The following PRDM16 variants were observed in gnomAD, a reference collection of about 807,000 sequenced individuals.
PRDM16 encodes PR/SET domain 16, also known as histone-lysine N-methyltransferase PRDM16.
A neutral mutation model predicts 110.6 loss-of-function variants in PRDM16; 23 were observed. That is an observed-to-expected ratio of 0.21 (90% CI 0.15 to 0.29). PRDM16 has a LOEUF of 0.29. Ranked by LOEUF, PRDM16 falls within the 10% of genes least tolerant of loss-of-function variation. The probability of loss-of-function intolerance (pLI) is 1.00; values close to 1 mark genes in which losing one functional copy is unlikely to be tolerated. For synonymous variants in PRDM16, 799 were observed against 781.8 expected (o/e 1.02, Z -0.37); for missense variants, 1,615 against 1,794.3 (o/e 0.90, Z 1.81).
intron 1 of PRDM16, among the ~76,000 whole-genome samples, chr1:3,171,960 C>T (rs535388834): frequency 1.9e-4 from 29 of 152,284 alleles, no homozygotes; most frequent in African/African-American, 2.6e-4. Flanking sequence ...GGGGGAGCTG[C>T]GATCCAGTAG....
chr1:3,204,698 G>A (rs1043875061), intron 2 of PRDM16, among the ~76,000 whole-genome samples: 3 of 152,250 alleles, frequency 2.0e-5, no homozygotes, highest in East Asian at 1.9e-4. Context: ...GTACGTAGAC[G>A]TGTGACCACG....
intron 3 of PRDM16, among the ~76,000 whole-genome samples, chr1:3,282,675 C>T (rs1237506300): frequency 2.0e-5 from 3 of 152,232 alleles, no homozygotes; most frequent in Non-Finnish European, 4.4e-5. Context: ...AGGCATCTCC[C>T]GAGACCCAGG....
chr1:3,348,866 A>G (rs1267744065), intron 3 of PRDM16, among the ~76,000 whole-genome samples: 1 of 152,232 alleles, frequency 6.6e-6, no homozygotes, highest in Admixed American at 6.5e-5. Context: ...CACCCAGGCC[A>G]GCAAAAATGA....
intron 1 of PRDM16, among the ~76,000 whole-genome samples, chr1:3,179,371 A>G (rs1432407937): frequency 2.0e-5 from 3 of 152,200 alleles, no homozygotes; most frequent in Non-Finnish European, 2.9e-5. Flanking sequence ...TCAGCCCCTC[A>G]CTGGGGGATG....
At chr1:3,415,504 C>T (rs1224636325) in intron 10 of PRDM16, among the ~76,000 whole-genome samples, 2 of 152,270 alleles carry the variant, frequency 1.3e-5, no homozygotes, top group African/African-American at 2.4e-5. Context: ...AACTTAGCGC[C>T]TCCCATTGTT....
intron 3 of PRDM16, among the ~76,000 whole-genome samples, chr1:3,381,114 CA>C (rs1010384868): frequency 5.9e-5 from 9 of 152,330 alleles, no homozygotes; most frequent in Non-Finnish European, 1.0e-4. Flanking sequence ...TTCTGCTCAC[CA>C]AAGGCTTCTC....
At chr1:3,074,426 TGTGC>T (rs1482770865) in intron 1 of PRDM16, among the ~76,000 whole-genome samples, 3 of 151,932 alleles carry the variant, frequency 2.0e-5, no homozygotes, top group Non-Finnish European at 2.9e-5. Flanking sequence ...TGTGTGTGTG[TGTGC>T]GCGTGTGTGT....
intron 1 of PRDM16, among the ~76,000 whole-genome samples, chr1:3,152,700 A>G (rs1643798672): frequency 6.6e-6 from 1 of 152,162 alleles, no homozygotes; most frequent in Non-Finnish European, 1.5e-5. Context: ...TCCGTCGTCC[A>G]TCTGGTTTCT....
intron 1 of PRDM16, among the ~76,000 whole-genome samples, chr1:3,084,439 G>A (rs954797484): frequency 2.0e-5 from 3 of 152,214 alleles, no homozygotes; most frequent in Admixed American, 6.5e-5. Context: ...GCTCTGGCAC[G>A]AGGCCCTTTG....
Position 3,252,855 on chromosome 1 carries a change from T to C in PRDM16, c.438+8718T>C, listed in dbSNP as rs545523692. ...AGGTTCCAGGTTGGCCTTGAGACAG[T>C]GTGTGTTCAGCCTTGTACTGCGGGG... On this transcript the variant is annotated intron_variant, in intron 3 of 16. Transcript: ENST00000270722. 1.6e-4 allele frequency among the ~76,000 whole-genome samples: 25 copies of C among 152,126 alleles called. No homozygotes were observed. In the East Asian group the frequency reaches 3.7e-3, roughly 22 times the overall value.
At chr1:3,179,651 A>C (rs947114936) in intron 1 of PRDM16, among the ~76,000 whole-genome samples, 1 of 152,226 alleles carries the variant, frequency 6.6e-6, no homozygotes, top group Non-Finnish European at 1.5e-5. Context: ...GCAGGCCCGC[A>C]TGGCACCGTG....
chr1:3,273,830 G>A (rs1183095295), intron 3 of PRDM16, among the ~76,000 whole-genome samples: 1 of 149,472 alleles, frequency 6.7e-6, no homozygotes, highest in Admixed American at 6.6e-5. Context: ...GTGTGTGTGT[G>A]TGTGTGTGTG....
intron 1 of PRDM16, among the ~76,000 whole-genome samples, chr1:3,114,194 C>A (rs1642870228): frequency 2.3e-5 from 3 of 129,184 alleles, no homozygotes; most frequent in Admixed American, 7.9e-5. Flanking sequence ...CGCACACACG[C>A]ACACGCACGC....
In PRDM16 at chr1:3,213,086, G is replaced by A. The variant is rs116922935; in HGVS notation, c.387+26612G>A. On this transcript the variant is annotated intron_variant, in intron 2 of 16. Coordinates refer to ENST00000270722, the MANE Select transcript of PRDM16 (RefSeq NM_022114.4). This position sits in a 1 kb window ranked among gnomAD's most constrained non-coding sequence, Gnocchi z 5.3. Reference sequence around the variant, plus strand: ...CTGCCGCACGCTTCCCCGGGAGGCCGAGCTCAGGAAGACGCGGCAAATCCC... The same window carrying A: ...CTGCCGCACGCTTCCCCGGGAGGCCAAGCTCAGGAAGACGCGGCAAATCCC... 3.1e-3 allele frequency among the ~76,000 whole-genome samples: 469 copies of A among 152,284 alleles called. 21 individuals are homozygous for A. The East Asian group carries it at 0.075, about 24-fold the overall frequency.
chr1:3,402,875 G>A lies in PRDM16; in HGVS notation c.761G>A (p.Gly254Asp), dbSNP rs1414206081. Residue 254 changes from glycine (G) to aspartate (D), a missense_variant, in exon 6 of 17, where the codon GGC becomes GAC. Transcript: ENST00000270722. ...DLRRHKKYTC[G>D]SVGAALYEGL... ...CGGCGCCATAAGAAGTACACGTGTG[G>A]CTCAGTGGGGGCTGCGCTCTACGAG... 6.2e-7 allele frequency: 1 copy of A among 1,612,956 alleles called. No homozygotes were observed. Among genetic ancestry groups the A allele is most frequent in the Non-Finnish European group, 8.5e-7 (1 of 1,180,006 alleles).
intron 3 of PRDM16, among the ~76,000 whole-genome samples, chr1:3,332,079 C>T (rs1642052565): frequency 6.6e-6 from 1 of 152,246 alleles, no homozygotes; most frequent in Admixed American, 6.5e-5. Context: ...GTGGGTCCCC[C>T]ACCTCTGTCT....
At chr1:3,193,834 C>T (rs1160649523) in intron 2 of PRDM16, among the ~76,000 whole-genome samples, 1 of 152,182 alleles carries the variant, frequency 6.6e-6, no homozygotes, top group Admixed American at 6.5e-5. Flanking sequence ...GGGCTGCGGG[C>T]TCCCCTTCAC....
intron 3 of PRDM16, among the ~76,000 whole-genome samples, chr1:3,248,367 C>T (rs561275730): frequency 6.6e-6 from 1 of 152,120 alleles, no homozygotes; most frequent in South Asian, 2.1e-4. Flanking sequence ...TAATACAGAA[C>T]GGGAAAACAC....
At chr1:3,300,226 G>A (rs550063836) in intron 3 of PRDM16, among the ~76,000 whole-genome samples, 8 of 99,584 alleles carry the variant, frequency 8.0e-5, no homozygotes, top group South Asian at 3.7e-4. Context: ...TGATGTTTCC[G>A]ATCCCAGTCG....
Sources: gnomAD v4.1 joint callset for allele counts (sites outside exome capture counted in the v4.1 genomes callset) on GRCh38, gnomAD v4.1.1 for gene constraint, Gnocchi (gnomAD v3.1) non-coding constraint, MANE v1.5 for transcripts, NCBI Gene and HGNC (gene_info 2026-07-23, HGNC 2026-07-21) for gene names.